The following CENPI variants were observed in gnomAD, a reference collection of about 807,000 sequenced individuals.
CENPI encodes centromere protein I.
A neutral mutation model predicts 60.4 loss-of-function variants in CENPI; 4 were observed. That is an observed-to-expected ratio of 0.07 (90% CI 0.03 to 0.15). The LOEUF is 0.15. Ranked by LOEUF, CENPI falls within the 10% of genes least tolerant of loss-of-function variation. The probability of loss-of-function intolerance (pLI) is 1.00; values close to 1 mark genes in which losing one functional copy is unlikely to be tolerated. For missense variants in CENPI, 444 were observed against 534.5 expected (o/e 0.83, Z 1.67); for synonymous variants, 157 against 189.4 (o/e 0.83, Z 1.40).
the CENPI span, among the ~76,000 whole-genome samples, chrX:101,180,146 C>A: frequency 6.4e-5 from 7 of 109,567 alleles, no homozygotes; most frequent in African/African-American, 2.3e-4. Context: ...GTTTTTTGAC[C>A]TTTTTTTTGA....
chrX:101,171,414 A>G, the CENPI span, among the ~76,000 whole-genome samples: 4 of 112,527 alleles, frequency 3.6e-5, no homozygotes, highest in Non-Finnish European at 5.6e-5. Context: ...GATTTAAAAA[A>G]CTAAATATAA....
At chrX:101,112,402 T>C (rs2089564492) in intron 6 of CENPI, among the ~76,000 whole-genome samples, 1 of 111,990 alleles carries the variant, frequency 8.9e-6, no homozygotes, top group Non-Finnish European at 1.9e-5. Context: ...GGATAAAAGA[T>C]CCATTTAAAA....
chrX:101,139,941 TCTC>T (rs1053603524), intron 15 of CENPI, among the ~76,000 whole-genome samples: 3 of 109,695 alleles, frequency 2.7e-5, no homozygotes, highest in Non-Finnish European at 5.7e-5. Context: ...TTCACGTCAT[TCTC>T]CTGCCTCAGC....
intron 20 of CENPI, among the ~76,000 whole-genome samples, chrX:101,155,257 T>G (rs1159935619): frequency 9.0e-6 from 1 of 111,436 alleles, no homozygotes; most frequent in African/African-American, 3.3e-5. Flanking sequence ...TAGTGCAGTC[T>G]TGGCTCACTG....
chrX:101,122,607 G>A (rs1245348855), intron 8 of CENPI, among the ~76,000 whole-genome samples: 1 of 111,666 alleles, frequency 9.0e-6, no homozygotes, highest in Non-Finnish European at 1.9e-5. Flanking sequence ...CCCAGGTGCA[G>A]TGGCTCACAC....
intron 15 of CENPI, among the ~76,000 whole-genome samples, chrX:101,134,913 C>A (rs1388967662): frequency 9.1e-6 from 1 of 109,988 alleles, no homozygotes; most frequent in African/African-American, 3.3e-5. Flanking sequence ...ACTCAGGAGG[C>A]TGAGGCAGGA....
chrX:101,161,664 T>C, intron 21 of CENPI, 95 bp downstream of exon 21: 1 of 775,472 alleles, frequency 1.3e-6, no homozygotes, highest in Non-Finnish European at 1.9e-6. Context: ...ACCTTAAGCC[T>C]GCTGCCTCCA....
downstream of CENPI, among the ~76,000 whole-genome samples, chrX:101,171,057 CAA>C (rs920150699): frequency 9.8e-5 from 11 of 111,986 alleles, no homozygotes; most frequent in Non-Finnish European, 1.7e-4. Flanking sequence ...ATAATCAAAA[CAA>C]TATTGAAAAA....
Position 101,163,004 on chromosome X carries a change from C to T in CENPI, c.*37C>T. On this transcript the variant is annotated 3_prime_UTR_variant, in exon 22 of 22. Transcript: ENST00000682095. ...CATAAACTGAACACACTGGACTAAA[C>T]TCACTCCTCATTGCTAGAGCAAAGT... 2 of 1,184,345 alleles carry T rather than the reference C, an allele frequency of 1.7e-6. No individual in the cohort carries two copies. Among genetic ancestry groups the T allele is most frequent in the Non-Finnish European group, 2.3e-6 (2 of 877,879 alleles).
In CENPI at chrX:101,145,142, G is replaced by A; in HGVS notation, c.1644G>A (p.Met548Ile). 1 of 1,206,245 alleles carries A rather than the reference G, an allele frequency of 8.3e-7. No individual in the cohort carries two copies. The highest frequency in any genetic ancestry group is 1.1e-6 in the Non-Finnish European group (1 of 890,696). The change falls in exon 17 of 22, where the codon ATG (methionine) becomes ATA (isoleucine). Residue 548 changes from methionine to isoleucine, a missense_variant. Transcript: ENST00000682095. ...HYVGWLSTTA[M>I]RLESNNTFLL... ...TAGGGTGGCTATCCACTACTGCAAT[G>A]CGCTTGGAGAGCAACAATACTTTCT...
chrX:101,139,823 T>G lies in CENPI; in HGVS notation c.1471-843T>G, dbSNP rs1319793070. Among the ~76,000 whole-genome samples, 124 of 93,710 alleles carry G rather than the reference T, an allele frequency of 1.3e-3. 1 individual carries two copies. Among genetic ancestry groups the G allele is most frequent in the South Asian group, 9.5e-3 (21 of 2,219 alleles). 81.4% of individuals were successfully genotyped at this position (93,710 alleles called of 115,157 possible). A position where few individuals can be genotyped will look rare whatever the true frequency, so the allele number is the denominator to read the frequency against. ...CGAATTTATGTCATTATTGTATGTTTTTTTTTTTTTGTTTTTTGTTTTTTT... is the reference window on the plus strand; with the variant it reads ...CGAATTTATGTCATTATTGTATGTTGTTTTTTTTTTGTTTTTTGTTTTTTT... On this transcript the variant is annotated intron_variant, in intron 15 of 21. Transcript: ENST00000682095.
chrX:101,144,063 T>G, intron 16 of CENPI, among the ~76,000 whole-genome samples: 1 of 108,708 alleles, frequency 9.2e-6, no homozygotes, highest in East Asian at 2.8e-4. Context: ...CGTTTTCACA[T>G]TTTATCCTGA....
At position 101,102,428 on chromosome X, in the gene CENPI, C is replaced by CT. The variant is rs59141949; in HGVS notation, c.364+26dup. On this transcript the variant is annotated intron_variant, in intron 4 of 21. Coordinates refer to ENST00000682095, the MANE Select transcript of CENPI (RefSeq NM_001386188.2). The stretch of plus-strand genomic sequence containing the variant: ...GCAAATTTGGTATGTTGAGGAAATG[C>CT]TTTTTTTTTCTTTTAACTCACCTAG... 110 of 1,097,090 alleles carry CT rather than the reference C, an allele frequency of 1.0e-4. No homozygotes were observed. The highest frequency in any genetic ancestry group is 3.1e-4 in the Middle Eastern group (1 of 3,268). The allele number at this position is 1,097,090 out of a possible 1,213,427, so 90.4% of individuals were successfully genotyped here. A position where few individuals can be genotyped will look rare whatever the true frequency, so the allele number is the denominator to read the frequency against.
At chrX:101,171,312 T>TA in the CENPI span, among the ~76,000 whole-genome samples, 6 of 111,689 alleles carry the variant, frequency 5.4e-5, no homozygotes, top group East Asian at 5.6e-4. Flanking sequence ...CAATTTTTTT[T>TA]AAAATGAAAA....
At chrX:101,149,783 AG>A (rs1312782121) in intron 20 of CENPI, among the ~76,000 whole-genome samples, 1 of 111,007 alleles carries the variant, frequency 9.0e-6, no homozygotes, top group Non-Finnish European at 1.9e-5. Context: ...CTGAGATTAT[AG>A]GCATGAGCCA....
intron 4 of CENPI, among the ~76,000 whole-genome samples, chrX:101,103,853 A>G (rs2089451867): frequency 8.9e-6 from 1 of 112,595 alleles, no homozygotes. Context: ...TTGTCACCAA[A>G]TACATGAGAA....
chrX:101,121,250 G>C (rs1489046499), intron 8 of CENPI, among the ~76,000 whole-genome samples: 4 of 110,940 alleles, frequency 3.6e-5, no homozygotes, highest in African/African-American at 1.3e-4. Context: ...AATCAGACTT[G>C]GGGTCAAGGA....
At chrX:101,130,297 G>C (rs1407512297) in intron 13 of CENPI, among the ~76,000 whole-genome samples, 2 of 110,941 alleles carry the variant, frequency 1.8e-5, no homozygotes, top group Non-Finnish European at 3.8e-5. Context: ...AGCCAGGCAT[G>C]GTGGCATGCA....
intron 8 of CENPI, among the ~76,000 whole-genome samples, chrX:101,124,845 G>A (rs1473312356): frequency 8.9e-6 from 1 of 111,965 alleles, no homozygotes; most frequent in East Asian, 2.8e-4. Context: ...GGAACTGTGA[G>A]TCAGTTAAAC....
Sources: allele counts gnomAD v4.1 joint callset (sites outside exome capture counted in the v4.1 genomes callset), GRCh38; gene constraint gnomAD v4.1.1; transcripts MANE v1.5; gene names NCBI Gene and HGNC (gene_info 2026-07-23, HGNC 2026-07-21).